RHBDF1: variants seen among roughly 807,000 people sequenced by gnomAD.
RHBDF1 encodes rhomboid 5 homolog 1.
RHBDF1 carries 80 observed loss-of-function variants against 98.6 expected under a neutral mutation model. The observed-to-expected ratio is 0.81, with a 90% CI of 0.68 to 0.98. The LOEUF is 0.98. Among genes scored for constraint, RHBDF1 ranks in the 50% least tolerant of loss-of-function variants. RHBDF1 has a pLI of 0.00. For synonymous variants in RHBDF1, 512 were observed against 486.8 expected (o/e 1.05, Z -0.68); for missense variants, 1,116 against 1,198.3 (o/e 0.93, Z 1.01).
Position 58,164 on chromosome 16 carries a change from C to T in RHBDF1, c.*176G>A. The T allele has an allele frequency of 1.7e-6, 1 of 605,116 alleles. No individual in the cohort carries two copies. The highest frequency in any genetic ancestry group is 2.2e-5 in the South Asian group (1 of 46,020). The allele number at this position is 605,116 out of a possible 1,614,324, so 37.5% of individuals were successfully genotyped here. ...ATGACAGGAAGTAGTATAATAAATG[C>T]CCGGCAGTACGAGGGGTTCAACAGA... On this transcript the variant is annotated 3_prime_UTR_variant, in exon 18 of 18. Coordinates refer to ENST00000262316, the MANE Select transcript of RHBDF1 (RefSeq NM_022450.5).
intron 1 of RHBDF1, among the ~76,000 whole-genome samples, chr16:65,538 G>T (rs1254385804): frequency 6.6e-6 from 1 of 152,180 alleles, no homozygotes; most frequent in African/African-American, 2.4e-5. Flanking sequence ...AGCTGGGGTT[G>T]CAGGGGTTTC....
At chr16:67,547 C>A (rs983195801) in intron 1 of RHBDF1, among the ~76,000 whole-genome samples, 4 of 152,240 alleles carry the variant, frequency 2.6e-5, no homozygotes, top group African/African-American at 9.6e-5. Context: ...GCTCCTCACA[C>A]CTGACTCCCT....
intron 1 of RHBDF1, among the ~76,000 whole-genome samples, chr16:67,093 C>T (rs1445025402): frequency 6.6e-6 from 1 of 152,180 alleles, no homozygotes; most frequent in East Asian, 1.9e-4. Context: ...GACTGCAGTA[C>T]CATCACCCTG....
rs1023060405 is a variant in RHBDF1, at chr16:58,096, A to G, written c.*244T>C. On this transcript the variant is annotated 3_prime_UTR_variant, in exon 18 of 18. Coordinates refer to ENST00000262316, the MANE Select transcript of RHBDF1 (RefSeq NM_022450.5). ...CAGCTAAAACGCTCCCAGTCCATTT[A>G]TTGGCCACATGAGGTGGTCGTCAAG... 3 of 468,042 alleles carry G rather than the reference A, an allele frequency of 6.4e-6. No homozygotes were observed. Among genetic ancestry groups the G allele is most frequent in the Non-Finnish European group, 1.1e-5 (3 of 263,592 alleles). The allele number at this position is 468,042 out of a possible 1,614,324, so 29.0% of individuals were successfully genotyped here.
upstream of RHBDF1, chr16:72,696 G>C: frequency 1.0e-6 from 1 of 982,798 alleles, no homozygotes; most frequent in Non-Finnish European, 1.2e-6. Context: ...CGCTGACTCA[G>C]AGCTCAGGAA....
chr16:62,660 C>T lies in RHBDF1; in HGVS notation c.831G>A (p.Pro277=), dbSNP rs780149060. Residue 277 remains proline (P), a synonymous_variant, in exon 7 of 18, where the codon CCG becomes CCA. Coordinates refer to ENST00000262316, the MANE Select transcript of RHBDF1 (RefSeq NM_022450.5). ...CCGATGGGGACTCGAAAACTTCATC[C>T]GGGTATGTGGACAGCTCTTCATGGA... is the stretch of plus-strand genomic sequence containing the variant. ...GILHEELSTY[P]DEVFESPSEA... 52 of 1,614,004 alleles carry T rather than the reference C, an allele frequency of 3.2e-5. No homozygotes were observed. The highest frequency in any genetic ancestry group is 1.5e-4 in the African/African-American group (11 of 74,938).
chr16:67,227 T>C (rs1897853111), intron 1 of RHBDF1, among the ~76,000 whole-genome samples: 1 of 152,214 alleles, frequency 6.6e-6, no homozygotes, highest in African/African-American at 2.4e-5. Flanking sequence ...GAACCCACAG[T>C]GCTGGGACAG....
chr16:61,204 C>A lies in RHBDF1; in HGVS notation c.1473G>T (p.Ser491=), dbSNP rs1051775061. The change falls in exon 11 of 18, where the codon TCG becomes TCT. Residue 491 remains serine (S), a synonymous_variant. Transcript: ENST00000262316. ...QDPQVHSFIR[S]AREREKHSAC... ...CGGAGTGCTTCTCGCGCTCGCGCGC[C>A]GAGCGAATGAAGCTGTGCACCTGCG... The A allele has an allele frequency of 6.5e-7, 1 of 1,544,738 alleles. No individual in the cohort carries two copies. Among genetic ancestry groups the A allele is most frequent in the East Asian group, 2.4e-5 (1 of 40,824 alleles).
upstream of RHBDF1, among the ~76,000 whole-genome samples, chr16:74,174 C>T (rs972611259): frequency 1.3e-5 from 2 of 152,178 alleles, no homozygotes; most frequent in African/African-American, 4.8e-5. Context: ...ATAGCCTGCA[C>T]GTGCCACCCC....
upstream of RHBDF1, chr16:74,908 C>T (rs1366239580): frequency 5.9e-5 from 9 of 152,066 alleles, no homozygotes; most frequent in Admixed American, 3.3e-4. Context: ...GGTCCCACCC[C>T]ATCTCCCTTC....
At chr16:64,472 C>A in intron 3 of RHBDF1, 1 of 1,512,688 alleles carries the variant, frequency 6.6e-7, no homozygotes, top group Non-Finnish European at 8.9e-7. Flanking sequence ...GCGGTGGAGA[C>A]AGAGAAGGAG....
In RHBDF1 at chr16:61,292, GGGAGACGAGCGGCCGCAGTCC is replaced by G. The variant is rs1417488743; in HGVS notation, c.1396-32_1396-12del. 1 of 1,542,722 alleles carries G rather than the reference GGGAGACGAGCGGCCGCAGTCC, an allele frequency of 6.5e-7. No homozygotes were observed. Among genetic ancestry groups the G allele is most frequent in the Admixed American group, 2.0e-5 (1 of 50,516 alleles). On this transcript the variant is annotated splice_polypyrimidine_tract_variant and intron_variant, in intron 10 of 17. Transcript: ENST00000262316. ...GTGGATGAGGGCCTCCTGCGGGCGA[GGGAGACGAGCGGCCGCAGTCC>G]GGGGCCTCCTGCCCCCGCCGGGCAC...
In RHBDF1 at chr16:61,609, G is replaced by C; in HGVS notation, c.1296C>G (p.Phe432Leu). ...VCIYGIAPVG[F>L]SQHETVDSVL... Reference sequence around the variant, plus strand: ...CCGAGTCCACCGTCTCATGCTGCGAGAAGCCCACGGGCGCGATGCCATAGA... The same window carrying C: ...CCGAGTCCACCGTCTCATGCTGCGACAAGCCCACGGGCGCGATGCCATAGA... Residue 432 changes from phenylalanine (F) to leucine (L), a missense_variant, in exon 9 of 18, where the codon TTC (phenylalanine) becomes TTG (leucine). Transcript: ENST00000262316. 1 of 1,613,448 alleles carries C rather than the reference G, an allele frequency of 6.2e-7. No individual in the cohort carries two copies. The highest frequency in any genetic ancestry group is 8.5e-7 in the Non-Finnish European group (1 of 1,179,920).
Position 62,913 on chromosome 16 carries a change from T to C in RHBDF1, c.673-16A>G. 6.2e-7 allele frequency: 1 copy of C among 1,613,414 alleles called. No homozygotes were observed. Among genetic ancestry groups the C allele is most frequent in the Non-Finnish European group, 8.5e-7 (1 of 1,179,878 alleles). ...CGGAGCGGCCCTGGGGACGGGGAAG[T>C]GAGCATGAGACCCGGCTGCTGGGTC... On this transcript the variant is annotated splice_polypyrimidine_tract_variant and intron_variant, in intron 5 of 17. Transcript: ENST00000262316.
rs371490310 is a variant in RHBDF1, at chr16:59,133, G to C, written c.1995-6C>G. 45 of 1,611,734 alleles carry C rather than the reference G, an allele frequency of 2.8e-5. No individual in the cohort carries two copies. The highest frequency in any genetic ancestry group is 3.6e-5 in the Non-Finnish European group (42 of 1,178,830). ...ACACCAGGCAGTGCAAGATCCTGTA[G>C]TCAGTAGCAGGCGGGGGTCGGGAGA... On this transcript the variant is annotated splice_region_variant and splice_polypyrimidine_tract_variant and intron_variant, in intron 16 of 17. Transcript: ENST00000262316.
chr16:75,621 A>G (rs1255649897), upstream of RHBDF1, among the ~76,000 whole-genome samples: 1 of 152,152 alleles, frequency 6.6e-6, no homozygotes, highest in Non-Finnish European at 1.5e-5. Flanking sequence ...GGTTCCCATA[A>G]GCACCTGGGC....
At chr16:65,659 C>A (rs2562148) in intron 1 of RHBDF1, among the ~76,000 whole-genome samples, 86,614 of 152,028 alleles carry the variant, frequency 0.57, 26,936 homozygotes, top group East Asian at 0.74. Context: ...CTTACCCACC[C>A]AGACTTCCAC....
rs751987638 is a variant in RHBDF1 at position 63,939 on chromosome 16, T to C, written c.249-139A>G. ...GACCAGGGTCTGAGTGGGCAAGGTCTAATAAGAGGATGAGTGGGTTCCAGC... is the reference window on the plus strand; with the variant it reads ...GACCAGGGTCTGAGTGGGCAAGGTCCAATAAGAGGATGAGTGGGTTCCAGC... On this transcript the variant is annotated intron_variant, in intron 3 of 17. Coordinates refer to ENST00000262316, the MANE Select transcript of RHBDF1 (RefSeq NM_022450.5). 1.9e-5 allele frequency: 15 copies of C among 800,820 alleles called. No individual in the cohort carries two copies. The South Asian group carries it at 2.2e-4, about 12-fold the overall frequency. 49.6% of individuals were successfully genotyped at this position (800,820 alleles called of 1,614,324 possible).
In RHBDF1 at chr16:61,473, G is replaced by A. The variant is rs1193580411; in HGVS notation, c.1321-14C>T. 1.2e-6 allele frequency: 2 copies of A among 1,612,472 alleles called. No homozygotes were observed. Among genetic ancestry groups the A allele is most frequent in the Non-Finnish European group, 8.5e-7 (1 of 1,179,780 alleles). On this transcript the variant is annotated splice_polypyrimidine_tract_variant and intron_variant, in intron 9 of 17. Transcript: ENST00000262316. ...GTTCCGCAGCACCTGGGAGGTTGGG[G>A]AGCGGGATCAGACGGGCCCCGACTC...
Sources: gnomAD v4.1 joint callset for allele counts (sites outside exome capture counted in the v4.1 genomes callset) on GRCh38, gnomAD v4.1.1 for gene constraint, MANE v1.5 for transcripts, NCBI Gene and HGNC (gene_info 2026-07-23, HGNC 2026-07-21) for gene names.